TMEM132B: variants seen among roughly 807,000 people sequenced by gnomAD.
TMEM132B encodes the protein transmembrane protein 132B.
A neutral mutation model predicts 90.8 loss-of-function variants in TMEM132B; 18 were observed. The ratio of observed to expected loss-of-function variants is 0.20; its 90% CI spans 0.14 to 0.29. TMEM132B has a LOEUF of 0.29. Ranked by LOEUF, TMEM132B falls within the 10% of genes least tolerant of loss-of-function variation. The pLI is 1.00. For missense variants in TMEM132B, 1,096 were observed against 1,326.8 expected, an observed-to-expected ratio of 0.83 and a Z score of 2.70; for synonymous variants, 504 against 523.3, an observed-to-expected ratio of 0.96 and a Z score of 0.50.
intron 3 of TMEM132B, among the ~76,000 whole-genome samples, chr12:125,428,906 T>C (rs1459621829): frequency 1.3e-5 from 2 of 152,178 alleles, no homozygotes; most frequent in Admixed American, 6.5e-5. Flanking sequence ...AACCTGATGG[T>C]GTTTGCAGAA....
At chr12:125,524,238 A>G (rs1353232190) in intron 4 of TMEM132B, among the ~76,000 whole-genome samples, 3 of 152,224 alleles carry the variant, frequency 2.0e-5, no homozygotes, top group Non-Finnish European at 4.4e-5. Flanking sequence ...TGCTTAAACT[A>G]TCAAAGCAAA....
intron 4 of TMEM132B, among the ~76,000 whole-genome samples, chr12:125,536,566 G>A (rs1883802830): frequency 6.6e-6 from 1 of 152,184 alleles, no homozygotes; most frequent in Non-Finnish European, 1.5e-5. Flanking sequence ...TGGTTGTGAG[G>A]ATTAAACAAG....
chr12:125,565,654 G>A (rs543947458), intron 4 of TMEM132B, among the ~76,000 whole-genome samples: 27 of 152,302 alleles, frequency 1.8e-4, no homozygotes, highest in African/African-American at 6.3e-4. Context: ...CATGGAGTTT[G>A]GCTGTCCAGT....
Position 125,203,759 on chromosome 12 carries a change from T to C in TMEM132B, c.67+16893T>C, listed in dbSNP as rs79468004. Among the ~76,000 whole-genome samples, 106 of 152,374 alleles carry C rather than the reference T, an allele frequency of 7.0e-4. 2 individuals carry two copies. The East Asian group carries it at 0.018, about 27-fold the overall frequency. ...TAAAATTGGGATGTATCATATATACTAGAATTTCTCATAGGTTGGCAGACA... is the reference window on the plus strand; with the variant it reads ...TAAAATTGGGATGTATCATATATACCAGAATTTCTCATAGGTTGGCAGACA... On this transcript the variant is annotated intron_variant, in intron 1 of 8. Transcript: ENST00000682704.
chr12:125,469,273 C>T (rs1297496348), intron 3 of TMEM132B, among the ~76,000 whole-genome samples: 1 of 152,140 alleles, frequency 6.6e-6, no homozygotes, highest in Admixed American at 6.5e-5. Flanking sequence ...GTTCTCAAGG[C>T]ATGTTAAGTT....
chr12:125,640,581 G>A (rs1337815185), intron 5 of TMEM132B, among the ~76,000 whole-genome samples: 1 of 152,190 alleles, frequency 6.6e-6, no homozygotes, highest in Non-Finnish European at 1.5e-5. Flanking sequence ...CCTGTAAGGT[G>A]TTTGGATTGT....
chr12:125,254,163 TC>T (rs1874376910), intron 1 of TMEM132B, among the ~76,000 whole-genome samples: 1 of 152,050 alleles, frequency 6.6e-6, no homozygotes, highest in Non-Finnish European at 1.5e-5. Flanking sequence ...GTGGTGCATG[TC>T]TGTGGTCCCA....
At chr12:125,559,650 T>A (rs1322660374) in intron 4 of TMEM132B, among the ~76,000 whole-genome samples, 1 of 151,886 alleles carries the variant, frequency 6.6e-6, no homozygotes, top group Non-Finnish European at 1.5e-5. Context: ...GACATGAAAG[T>A]GGTGTGAGCG....
At chr12:125,350,386 T>A in intron 2 of TMEM132B, 43 bp downstream of exon 2, 1 of 1,544,796 alleles carries the variant, frequency 6.5e-7, no homozygotes, top group Non-Finnish European at 8.7e-7. Context: ...AGCCAACTCT[T>A]AGTAATCAAT....
At chr12:125,449,452 C>A (rs115489858) in intron 3 of TMEM132B, among the ~76,000 whole-genome samples, 1,947 of 152,038 alleles carry the variant, frequency 0.013, 49 homozygotes, top group African/African-American at 0.044. Flanking sequence ...ATATTCATAA[C>A]TTTTCTATTT....
At chr12:125,258,186 G>A (rs1234563880) in intron 1 of TMEM132B, among the ~76,000 whole-genome samples, 1 of 152,146 alleles carries the variant, frequency 6.6e-6, no homozygotes, top group Non-Finnish European at 1.5e-5. Context: ...CAAATGAGAC[G>A]GTTTCATGAA....
intron 4 of TMEM132B, among the ~76,000 whole-genome samples, chr12:125,557,790 G>A (rs1424141884): frequency 2.0e-5 from 3 of 152,180 alleles, no homozygotes; most frequent in African/African-American, 7.2e-5. Flanking sequence ...GTTAGACAGT[G>A]ACTGGCTGTC....
chr12:125,418,322 T>C (rs1880078356), intron 3 of TMEM132B, among the ~76,000 whole-genome samples: 1 of 152,134 alleles, frequency 6.6e-6, no homozygotes, highest in Non-Finnish European at 1.5e-5. Flanking sequence ...GTTACATAAT[T>C]ATGAGACACT....
chr12:125,647,251 G>A lies in TMEM132B; in HGVS notation c.1643+2970G>A, dbSNP rs192843654. 1.3e-3 allele frequency among the ~76,000 whole-genome samples: 205 copies of A among 152,306 alleles called. 1 individual carries two copies. Among genetic ancestry groups the A allele is most frequent in the African/African-American group, 4.5e-3 (187 of 41,568 alleles). Reference sequence around the variant, plus strand: ...AAAAGATCTAGGATTCCCGTAATTAGAATCCGAGAACAAGAGGAGAAAAGG... The same window carrying A: ...AAAAGATCTAGGATTCCCGTAATTAAAATCCGAGAACAAGAGGAGAAAAGG... On this transcript the variant is annotated intron_variant, in intron 6 of 8. Coordinates refer to ENST00000682704, the MANE Select transcript of TMEM132B (RefSeq NM_001366854.1).
At chr12:125,431,463 A>G (rs1245200884) in intron 3 of TMEM132B, among the ~76,000 whole-genome samples, 2 of 152,170 alleles carry the variant, frequency 1.3e-5, no homozygotes, top group Non-Finnish European at 2.9e-5. Context: ...GCATGGGCAG[A>G]AGGTGAGAGT....
At chr12:125,542,531 C>T (rs995035106) in intron 4 of TMEM132B, among the ~76,000 whole-genome samples, 1 of 152,202 alleles carries the variant, frequency 6.6e-6, no homozygotes, top group Non-Finnish European at 1.5e-5. Context: ...AGGCACCCAC[C>T]ATGGTGCTTT....
chr12:125,640,711 G>A (rs1886607981), intron 5 of TMEM132B, among the ~76,000 whole-genome samples: 1 of 152,006 alleles, frequency 6.6e-6, no homozygotes, highest in Admixed American at 6.5e-5. Context: ...TGCAAGAGGC[G>A]GTCCCTTTCT....
At chr12:125,541,373 G>C (rs1883952755) in intron 4 of TMEM132B, among the ~76,000 whole-genome samples, 1 of 152,112 alleles carries the variant, frequency 6.6e-6, no homozygotes, top group Non-Finnish European at 1.5e-5. Context: ...TCCTGACACT[G>C]TCTCTTCTGA....
At chr12:125,270,401 C>T (rs1874808688) in intron 1 of TMEM132B, among the ~76,000 whole-genome samples, 1 of 152,170 alleles carries the variant, frequency 6.6e-6, no homozygotes, top group African/African-American at 2.4e-5. Context: ...ATCCCATTTC[C>T]TGAACTTATT....
Sources: gnomAD v4.1 joint callset for allele counts (sites outside exome capture counted in the v4.1 genomes callset) on GRCh38, gnomAD v4.1.1 for gene constraint, MANE v1.5 for transcripts, NCBI Gene and HGNC (gene_info 2026-07-23, HGNC 2026-07-21) for gene names.